KLF17: variants seen among roughly 807,000 people sequenced by gnomAD.
The protein encoded by KLF17 is Krueppel-like factor 17.
Under a neutral mutation model 34.2 loss-of-function variants are expected in KLF17, and 31 were observed. The observed-to-expected ratio is 0.91, with a 90% CI of 0.68 to 1.22. KLF17 has a LOEUF of 1.22. Ranked by LOEUF, KLF17 falls within the 50% of genes most tolerant of loss-of-function variation. KLF17 has a pLI of 0.00. For synonymous variants in KLF17, 179 were observed against 186.7 expected, an observed-to-expected ratio of 0.96 and a Z score of 0.34; for missense variants, 478 against 505.2, an observed-to-expected ratio of 0.95 and a Z score of 0.52.
the KLF17 span, among the ~76,000 whole-genome samples, chr1:44,066,239 G>A: frequency 2.6e-5 from 4 of 151,838 alleles, no homozygotes; most frequent in South Asian, 4.2e-4. Context: ...AGGATTGCTT[G>A]AGCTGGGAGG....
At chr1:44,068,111 G>A in the KLF17 span, among the ~76,000 whole-genome samples, 4 of 149,856 alleles carry the variant, frequency 2.7e-5, no homozygotes, top group Non-Finnish European at 5.9e-5. Flanking sequence ...TATAATCTCC[G>A]CCCCCTGGGT....
chr1:44,099,914 A>C, the KLF17 span, among the ~76,000 whole-genome samples: 94 of 81,066 alleles, frequency 1.2e-3, 6 homozygotes, highest in African/African-American at 3.6e-3. Flanking sequence ...AGAAAGAAAG[A>C]AAGAAAAGAA....
At chr1:44,063,254 G>C in the KLF17 span, among the ~76,000 whole-genome samples, 1 of 152,214 alleles carries the variant, frequency 6.6e-6, no homozygotes, top group Non-Finnish European at 1.5e-5. Flanking sequence ...ACTTGCAGGG[G>C]ACAGGAAAGA....
chr1:44,070,209 A>G, the KLF17 span, among the ~76,000 whole-genome samples: 2 of 152,280 alleles, frequency 1.3e-5, no homozygotes, highest in Middle Eastern at 6.8e-3. Context: ...TTAAATTTGT[A>G]TGCATTTATG....
chr1:44,116,038 G>A (rs1377272867), upstream of KLF17: 1 of 152,100 alleles, frequency 6.6e-6, no homozygotes, highest in Non-Finnish European at 1.5e-5. Context: ...TATTTTTAGA[G>A]GAGGGGGGTA....
the KLF17 span, among the ~76,000 whole-genome samples, chr1:44,071,006 C>T: frequency 6.6e-6 from 1 of 152,114 alleles, no homozygotes; most frequent in African/African-American, 2.4e-5. Flanking sequence ...GGTGTTAATT[C>T]AGCCCTGCGG....
the KLF17 span, among the ~76,000 whole-genome samples, chr1:44,092,370 A>G: frequency 6.6e-6 from 1 of 152,112 alleles, no homozygotes; most frequent in Non-Finnish European, 1.5e-5. Flanking sequence ...ACTTCACTAC[A>G]CTGACAGAAG....
the KLF17 span, among the ~76,000 whole-genome samples, chr1:44,108,548 A>G: frequency 3.4e-3 from 520 of 150,786 alleles, 2 homozygotes; most frequent in African/African-American, 0.012. Context: ...TAGGCAGCAG[A>G]CTTGGTTAGG....
At chr1:44,106,396 C>T in the KLF17 span, 1 of 152,422 alleles carries the variant, frequency 6.6e-6, no homozygotes, top group African/African-American at 2.4e-5. Flanking sequence ...CAGGTGAATC[C>T]CAACTCCCAT....
At chr1:44,072,831 G>A in the KLF17 span, among the ~76,000 whole-genome samples, 1 of 152,332 alleles carries the variant, frequency 6.6e-6, no homozygotes, top group South Asian at 2.1e-4. Context: ...AGAGGCTGGA[G>A]AGAAGAGCTG....
At chr1:44,059,635 C>T in the KLF17 span, among the ~76,000 whole-genome samples, 1 of 152,182 alleles carries the variant, frequency 6.6e-6, no homozygotes, top group Non-Finnish European at 1.5e-5. Context: ...CCTGATTCCC[C>T]TCCGATTCCA....
chr1:44,097,009 G>A, the KLF17 span, among the ~76,000 whole-genome samples: 1 of 152,100 alleles, frequency 6.6e-6, no homozygotes, highest in Non-Finnish European at 1.5e-5. Context: ...TTTGTATAAG[G>A]TGTAACGAAG....
chr1:44,102,727 T>C, the KLF17 span, among the ~76,000 whole-genome samples: 2 of 152,106 alleles, frequency 1.3e-5, no homozygotes, highest in East Asian at 1.9e-4. Flanking sequence ...GGTTCATCGA[T>C]TGTAACAAAT....
chr1:44,130,237 T>C, intron 2 of KLF17, 41 bp downstream of exon 2: 10 of 1,566,754 alleles, frequency 6.4e-6, no homozygotes, highest in Non-Finnish European at 8.6e-6. Flanking sequence ...GAGGAGTCTC[T>C]GGGCTTTAGA....
the KLF17 span, among the ~76,000 whole-genome samples, chr1:44,065,279 C>T: frequency 6.7e-6 from 1 of 148,454 alleles, no homozygotes; most frequent in African/African-American, 2.5e-5. Flanking sequence ...CAGAGCGAGA[C>T]TCCATCTAAA....
chr1:44,130,452 G>A, intron 2 of KLF17, 60 bp from the exon 3 acceptor site: 1 of 1,604,600 alleles, frequency 6.2e-7, no homozygotes, highest in Admixed American at 1.7e-5. Flanking sequence ...CTGCCTCACA[G>A]AGTTAGACCC....
the KLF17 span, among the ~76,000 whole-genome samples, chr1:44,094,102 C>T: frequency 1.3e-5 from 2 of 152,126 alleles, no homozygotes; most frequent in Non-Finnish European, 2.9e-5. Context: ...CACGATTTTG[C>T]AGGCTGACTG....
chr1:44,063,275 G>T, the KLF17 span, among the ~76,000 whole-genome samples: 1 of 152,230 alleles, frequency 6.6e-6, no homozygotes, highest in African/African-American at 2.4e-5. Flanking sequence ...GTCCTCTGAA[G>T]TGTTGGAATT....
chr1:44,048,002 A>G, the KLF17 span: 321 of 134,234 alleles, frequency 2.4e-3, no homozygotes, highest in African/African-American at 7.1e-3. Context: ...TTGTGTGTGT[A>G]TGTGTGTGTG....
Sources: allele counts gnomAD v4.1 joint callset (sites outside exome capture counted in the v4.1 genomes callset), GRCh38; gene constraint gnomAD v4.1.1; transcripts MANE v1.5; gene names NCBI Gene and HGNC (gene_info 2026-07-23, HGNC 2026-07-21).